The following LATS2 variants were observed in gnomAD, a reference collection of about 807,000 sequenced individuals.
LATS2 encodes the protein serine/threonine-protein kinase LATS2.
LATS2 carries 24 observed loss-of-function variants against 76.0 expected under a neutral mutation model. The observed-to-expected ratio is 0.32, with a 90% CI of 0.23 to 0.44. The LOEUF is 0.44. Ranked by LOEUF, LATS2 falls within the 20% of genes least tolerant of loss-of-function variation. LATS2 has a pLI of 1.00. For synonymous variants in LATS2, 692 were observed against 635.4 expected (o/e 1.09, Z -1.34); for missense variants, 1,286 against 1,481.2 (o/e 0.87, Z 2.16).
At chr13:21,026,134 A>C (rs1872303605) in intron 2 of LATS2, among the ~76,000 whole-genome samples, 1 of 152,192 alleles carries the variant, frequency 6.6e-6, no homozygotes, top group Non-Finnish European at 1.5e-5. Context: ...GAAGAGAAGG[A>C]AACGAATTAT....
intron 2 of LATS2, among the ~76,000 whole-genome samples, chr13:20,993,543 A>G (rs1870603344): frequency 2.0e-5 from 3 of 151,050 alleles, no homozygotes; most frequent in Non-Finnish European, 4.5e-5. Flanking sequence ...GTGCCGCCAC[A>G]TGGGCAGGCC....
intron 1 of LATS2, among the ~76,000 whole-genome samples, chr13:21,046,801 T>G (rs1873089939): frequency 6.6e-6 from 1 of 152,250 alleles, no homozygotes. Flanking sequence ...TGCAAATGTT[T>G]CAATTGCAGT....
At chr13:21,029,303 A>C (rs1316957408) in intron 2 of LATS2, among the ~76,000 whole-genome samples, 1 of 152,188 alleles carries the variant, frequency 6.6e-6, no homozygotes, top group Non-Finnish European at 1.5e-5. Context: ...TTTTTCTGAA[A>C]TGCTTACTCT....
At chr13:21,057,588 T>C (rs1183143047) in intron 1 of LATS2, among the ~76,000 whole-genome samples, 1 of 151,692 alleles carries the variant, frequency 6.6e-6, no homozygotes, top group Non-Finnish European at 1.5e-5. Flanking sequence ...GGTCAGGAGA[T>C]CGAGACCATC....
chr13:20,992,770 C>T (rs755769191), intron 2 of LATS2, among the ~76,000 whole-genome samples: 2 of 152,140 alleles, frequency 1.3e-5, no homozygotes, highest in Non-Finnish European at 2.9e-5. Flanking sequence ...GGCGTGGTGG[C>T]TCACGCCTGT....
chr13:21,031,867 T>C (rs2138380673), intron 2 of LATS2, among the ~76,000 whole-genome samples: 1 of 152,300 alleles, frequency 6.6e-6, no homozygotes, highest in East Asian at 1.9e-4. Context: ...AAAAAAATTT[T>C]CTGTCTGTGC....
At chr13:20,998,716 G>A (rs1341385356) in intron 2 of LATS2, among the ~76,000 whole-genome samples, 1 of 151,718 alleles carries the variant, frequency 6.6e-6, no homozygotes, top group African/African-American at 2.4e-5. Flanking sequence ...TCTTGGGCAG[G>A]TGGGGCCCCA....
In LATS2 at chr13:20,991,934, A is replaced by AGC. The variant is rs1163738279; in HGVS notation, c.343-531_343-530insGC. ...CTATAGCAGCGGAGGACTGGCCCTT[A>AGC]GAGATCTGACTCGTAGAAGAAAGAA... On this transcript the variant is annotated intron_variant, in intron 2 of 7. Coordinates refer to ENST00000382592, the MANE Select transcript of LATS2 (RefSeq NM_014572.3). This position sits in a 1 kb window ranked among gnomAD's most constrained non-coding sequence, Gnocchi z 4.9. Among the ~76,000 whole-genome samples the AGC allele has an allele frequency of 6.6e-6, 1 of 152,196 alleles. No individual in the cohort carries two copies. Among genetic ancestry groups the AGC allele is most frequent in the African/African-American group, 2.4e-5 (1 of 41,434 alleles).
intron 2 of LATS2, among the ~76,000 whole-genome samples, chr13:21,010,839 G>A (rs1004834259): frequency 6.6e-6 from 1 of 152,194 alleles, no homozygotes; most frequent in African/African-American, 2.4e-5. Context: ...ACCAATCAGA[G>A]CTCAGCAAAC....
At chr13:21,040,701 G>A (rs1367197867) in intron 2 of LATS2, among the ~76,000 whole-genome samples, 1 of 152,172 alleles carries the variant, frequency 6.6e-6, no homozygotes, top group Non-Finnish European at 1.5e-5. Flanking sequence ...CCCAGGAGCT[G>A]CAGCAGAGCC....
chr13:20,987,790 C>T, intron 4 of LATS2, 91 bp downstream of exon 4: 2 of 1,433,286 alleles, frequency 1.4e-6, no homozygotes, highest in Non-Finnish European at 1.9e-6. Flanking sequence ...AAGGGGTATA[C>T]AGTCGAAACA....
chr13:21,051,675 C>T (rs538512684), intron 1 of LATS2, among the ~76,000 whole-genome samples: 1 of 152,226 alleles, frequency 6.6e-6, no homozygotes, highest in Admixed American at 6.5e-5. Flanking sequence ...AAGCACAGGG[C>T]AGGCTGGGTC....
chr13:20,974,958 C>A lies in LATS2; in HGVS notation c.3179G>T (p.Gly1060Val), dbSNP rs762135360. ...GCTCTCAGCCTGTGAAGCTTCTGCT[C>A]CTGAAGGCTTTGGGCATCGAAAGGG... is the stretch of plus-strand genomic sequence containing the variant. ...GYPFRCPKPS[G>V]AEASQAESSD... The change falls in exon 8 of 8, where the codon GGA becomes GTA. Residue 1060 changes from glycine (G) to valine (V), a missense_variant. This residue lies in a region of LATS2 where 210 missense variants were observed against 234.9 expected (regional missense o/e 0.89). Transcript: ENST00000382592. 1 of 1,614,162 alleles carries A rather than the reference C, an allele frequency of 6.2e-7. No homozygotes were observed. Among genetic ancestry groups the A allele is most frequent in the East Asian group, 2.2e-5 (1 of 44,874 alleles).
At chr13:20,981,710 T>A (rs773465558) in intron 5 of LATS2, 62 bp from the exon 6 acceptor site, 69 of 1,376,458 alleles carry the variant, frequency 5.0e-5, no homozygotes, top group Non-Finnish European at 6.7e-5. Context: ...ATTTTCACTC[T>A]TCAATAACTC....
intron 2 of LATS2, among the ~76,000 whole-genome samples, chr13:20,992,142 A>T (rs1368587884): frequency 6.6e-6 from 1 of 152,150 alleles, no homozygotes; most frequent in Non-Finnish European, 1.5e-5. Flanking sequence ...GCTGTTCCAG[A>T]CTTTGGGCAG....
chr13:21,051,565 G>A (rs1873275367), intron 1 of LATS2, among the ~76,000 whole-genome samples: 1 of 152,206 alleles, frequency 6.6e-6, no homozygotes, highest in South Asian at 2.1e-4. Flanking sequence ...CAGTGGTGGT[G>A]CCATTCTCTG....
In LATS2 at chr13:20,983,811, G is replaced by A; in HGVS notation, c.1900-5C>T. On this transcript the variant is annotated splice_polypyrimidine_tract_variant and splice_region_variant and intron_variant, in intron 4 of 7. Coordinates refer to ENST00000382592, the MANE Select transcript of LATS2 (RefSeq NM_014572.3). ...CTCAGCTTCACAGAGTCCAGCCTGT[G>A]TAGAAGGAAAAGGAAGGAGGAAGAA... 4 of 1,602,632 alleles carry A rather than the reference G, an allele frequency of 2.5e-6. No individual in the cohort carries two copies. Among genetic ancestry groups the A allele is most frequent in the Non-Finnish European group, 3.4e-6 (4 of 1,174,970 alleles).
chr13:20,979,552 A>T (rs1869775055), intron 7 of LATS2, 139 bp downstream of exon 7: 1 of 419,230 alleles, frequency 2.4e-6, no homozygotes, highest in East Asian at 3.5e-5. Context: ...TAATGAGATT[A>T]TTTTTAAAAA....
intron 7 of LATS2, among the ~76,000 whole-genome samples, chr13:20,978,542 T>C (rs1395044143): frequency 2.6e-5 from 4 of 152,146 alleles, no homozygotes; most frequent in Non-Finnish European, 5.9e-5. Context: ...AATGATATAA[T>C]ATCCAAATAA....
Sources: allele counts gnomAD v4.1 joint callset (sites outside exome capture counted in the v4.1 genomes callset), GRCh38; gene constraint gnomAD v4.1.1; regional missense constraint gnomAD v4.1.1; non-coding constraint Gnocchi (gnomAD v3.1); transcripts MANE v1.5; gene names NCBI Gene and HGNC (gene_info 2026-07-23, HGNC 2026-07-21).